Variants in TENM4 observed in about 807,000 individuals in gnomAD.
The protein encoded by TENM4 is teneurin-4.
TENM4 carries 82 observed loss-of-function variants against 243.3 expected under a neutral mutation model. The observed-to-expected ratio is 0.34, with a 90% CI of 0.28 to 0.40. TENM4 has a LOEUF of 0.40. TENM4 is among the 10% of genes least tolerant of loss of function. TENM4 has a pLI of 1.00. For missense variants in TENM4, 3,138 were observed against 3,673.3 expected (o/e 0.85, Z 3.77); for synonymous variants, 1,412 against 1,456.3 (o/e 0.97, Z 0.69).
chr11:78,712,859 C>A, intron 25 of TENM4, 145 bp from the exon 26 acceptor site: 1 of 761,208 alleles, frequency 1.3e-6, no homozygotes, highest in Non-Finnish European at 2.1e-6. Context: ...GATGGTTCCC[C>A]AATTTTTCTG....
intron 1 of TENM4, among the ~76,000 whole-genome samples, chr11:79,422,905 C>T (rs1049035083): frequency 6.6e-6 from 1 of 152,184 alleles, no homozygotes; most frequent in African/African-American, 2.4e-5. Flanking sequence ...TTAAAACAGC[C>T]TTCTGATAGG....
At chr11:78,945,362 G>T (rs771063062) in intron 6 of TENM4, among the ~76,000 whole-genome samples, 34 of 152,190 alleles carry the variant, frequency 2.2e-4, no homozygotes, top group Non-Finnish European at 4.3e-4. Flanking sequence ...TATTGTAATT[G>T]TTCTGAGATG....
At chr11:79,017,009 T>C (rs1485884619) in intron 6 of TENM4, among the ~76,000 whole-genome samples, 3 of 152,242 alleles carry the variant, frequency 2.0e-5, no homozygotes, top group Admixed American at 6.5e-5. Flanking sequence ...TGAGGCTCAA[T>C]GTGATGTTTA....
At chr11:78,838,936 C>CA (rs1160111307) in intron 12 of TENM4, among the ~76,000 whole-genome samples, 1 of 152,148 alleles carries the variant, frequency 6.6e-6, no homozygotes, top group African/African-American at 2.4e-5. Context: ...CAAGTTATTG[C>CA]AAAAACATTT....
chr11:79,159,054 G>A (rs1862686062), intron 3 of TENM4, among the ~76,000 whole-genome samples: 1 of 152,116 alleles, frequency 6.6e-6, no homozygotes, highest in African/African-American at 2.4e-5. Context: ...TAATTTCCAG[G>A]CCAAGAAACA....
intron 12 of TENM4, among the ~76,000 whole-genome samples, chr11:78,826,379 G>C (rs1236015722): frequency 6.6e-6 from 1 of 152,084 alleles, no homozygotes; most frequent in Non-Finnish European, 1.5e-5. Context: ...GAGCCACCAT[G>C]CTCGGCCGGT....
intron 2 of TENM4, among the ~76,000 whole-genome samples, chr11:79,232,602 A>C (rs1164739214): frequency 6.6e-6 from 1 of 152,172 alleles, no homozygotes; most frequent in East Asian, 1.9e-4. Context: ...TCCCAAAACA[A>C]TTCGCCATCC....
At chr11:78,844,667 C>T (rs1278510980) in intron 12 of TENM4, among the ~76,000 whole-genome samples, 2 of 151,590 alleles carry the variant, frequency 1.3e-5, no homozygotes, top group African/African-American at 2.4e-5. Context: ...GAAAAGACAC[C>T]AGAGATCTCT....
At chr11:79,072,546 G>T (rs115396273) in intron 4 of TENM4, among the ~76,000 whole-genome samples, 1 of 151,720 alleles carries the variant, frequency 6.6e-6, no homozygotes, top group African/African-American at 2.4e-5. Flanking sequence ...TGATGTATGC[G>T]AATGTGTGTG....
intron 6 of TENM4, among the ~76,000 whole-genome samples, chr11:78,963,240 C>T (rs138275495): frequency 2.2e-3 from 335 of 152,304 alleles, no homozygotes; most frequent in African/African-American, 7.8e-3. Context: ...TCTATCATGC[C>T]ACGGTTCTAA....
intron 6 of TENM4, among the ~76,000 whole-genome samples, chr11:79,037,293 C>G (rs1055878338): frequency 5.9e-5 from 9 of 152,334 alleles, no homozygotes; most frequent in African/African-American, 2.2e-4. Context: ...AAGTTTCATC[C>G]AGCACAGTTC....
At chr11:79,344,487 G>C (rs1857294741) in intron 1 of TENM4, among the ~76,000 whole-genome samples, 1 of 152,194 alleles carries the variant, frequency 6.6e-6, no homozygotes, top group South Asian at 2.1e-4. Flanking sequence ...AAGCTGGTTT[G>C]GAGCTATGGA....
intron 2 of TENM4, among the ~76,000 whole-genome samples, chr11:79,294,903 A>T (rs1856423461): frequency 6.6e-6 from 1 of 152,154 alleles, no homozygotes; most frequent in Non-Finnish European, 1.5e-5. Context: ...CCATTATACA[A>T]AGCATGGGTA....
intron 6 of TENM4, among the ~76,000 whole-genome samples, chr11:78,987,174 G>A (rs1744520363): frequency 1.3e-5 from 2 of 152,148 alleles, no homozygotes; most frequent in South Asian, 4.1e-4. Flanking sequence ...ACTTGGTGGT[G>A]CTGATGATAT....
rs566152277 is a variant in TENM4, at chr11:79,150,778, G to A, written c.-162-1972C>T. On this transcript the variant is annotated intron_variant, in intron 3 of 33. Transcript: ENST00000278550. ...CTCTGACTCCTTCACAAATTCTGTG[G>A]TTTGAATGGGCATTTTCATAATTTA... Among the ~76,000 whole-genome samples the A allele has an allele frequency of 1.9e-4, 29 of 152,144 alleles. No individual in the cohort carries two copies. In the South Asian group the frequency reaches 6.0e-3, roughly 32 times the overall value.
chr11:79,284,563 T>A (rs1298196461), intron 2 of TENM4, among the ~76,000 whole-genome samples: 1 of 152,216 alleles, frequency 6.6e-6, no homozygotes, highest in African/African-American at 2.4e-5. Flanking sequence ...AAGTGGATCA[T>A]AGATCCATGT....
intron 4 of TENM4, among the ~76,000 whole-genome samples, chr11:79,117,481 G>A (rs1290691171): frequency 1.3e-5 from 2 of 152,206 alleles, no homozygotes; most frequent in Non-Finnish European, 2.9e-5. Context: ...AGGGCTATCA[G>A]GGGCTGGGCT....
At chr11:79,422,318 T>C (rs1858952066) in intron 1 of TENM4, 2 of 151,296 alleles carry the variant, frequency 1.3e-5, no homozygotes, top group Non-Finnish European at 2.9e-5. Flanking sequence ...TCCAGCTCAG[T>C]AGAAGCAGCA....
At chr11:79,360,133 T>A (rs1006688885) in intron 1 of TENM4, among the ~76,000 whole-genome samples, 2 of 152,176 alleles carry the variant, frequency 1.3e-5, no homozygotes, top group Non-Finnish European at 2.9e-5. Flanking sequence ...TTGGATAATA[T>A]TTATTCTGCT....
Sources: allele counts gnomAD v4.1 joint callset (sites outside exome capture counted in the v4.1 genomes callset), GRCh38; gene constraint gnomAD v4.1.1; transcripts MANE v1.5; gene names NCBI Gene and HGNC (gene_info 2026-07-23, HGNC 2026-07-21).